The following ZNF84 variants were observed in gnomAD, a reference collection of about 807,000 sequenced individuals.
The protein encoded by ZNF84 is zinc finger protein 84.
A neutral mutation model predicts 14.8 loss-of-function variants in ZNF84; 12 were observed. The observed-to-expected ratio is 0.81, with a 90% CI of 0.52 to 1.31. The LOEUF (loss-of-function observed/expected upper bound fraction) is 1.31. ZNF84 is among the 50% of genes most tolerant of loss of function. The probability of loss-of-function intolerance (pLI) is 0.00; values close to 1 mark genes in which losing one functional copy is unlikely to be tolerated. For missense variants in ZNF84, 859 were observed against 878.6 expected, an observed-to-expected ratio of 0.98 and a Z score of 0.28; for synonymous variants, 347 against 291.1, an observed-to-expected ratio of 1.19 and a Z score of -1.96.
At chr12:133,046,367 T>G (rs1462798480) in intron 2 of ZNF84, among the ~76,000 whole-genome samples, 3 of 55,736 alleles carry the variant, frequency 5.4e-5, no homozygotes, top group Non-Finnish European at 1.1e-4. Context: ...TTTTTTTTTT[T>G]TTTTTTTTTT....
chr12:133,053,737 T>A (rs996261197), intron 4 of ZNF84, among the ~76,000 whole-genome samples: 2 of 152,042 alleles, frequency 1.3e-5, no homozygotes, highest in Non-Finnish European at 2.9e-5. Flanking sequence ...GGCAATACCC[T>A]GTCTCAAAAA....
intron 2 of ZNF84, 36 bp downstream of exon 2, chr12:133,041,518 G>T (rs1399738092): frequency 6.2e-6 from 10 of 1,606,874 alleles, no homozygotes; most frequent in Non-Finnish European, 7.7e-6. Flanking sequence ...TTTTCCCAGG[G>T]AATTAGAAGA....
chr12:133,057,466 A>G lies in ZNF84; in HGVS notation c.751A>G (p.Ile251Val). 1 of 1,614,182 alleles carries G rather than the reference A, an allele frequency of 6.2e-7. No homozygotes were observed. The change falls in exon 5 of 5, where the codon ATT (isoleucine) becomes GTT (valine). Residue 251 changes from isoleucine (I) to valine (V), a missense_variant. Physicochemically the swap from Ile to Val is conservative, Grantham distance 29. Coordinates refer to ENST00000539354, the MANE Select transcript of ZNF84 (RefSeq NM_001289971.2). ...AACCTTTCCCCAGAAGTCTCAGTTTATTACACATCACAGAACTCATACAGG... is the reference window on the plus strand; with the variant it reads ...AACCTTTCCCCAGAAGTCTCAGTTTGTTACACATCACAGAACTCATACAGG... The part of the protein sequence containing the change: ...GKTFPQKSQF[I>V]THHRTHTGEK...
At chr12:133,050,571 C>G (rs1287633058) in intron 4 of ZNF84, 17 of 398,522 alleles carry the variant, frequency 4.3e-5, no homozygotes, top group Non-Finnish European at 6.6e-5. Context: ...TTATTTCTTC[C>G]TATCTCCCAT....
At chr12:133,043,882 T>C (rs1416079264) in intron 2 of ZNF84, among the ~76,000 whole-genome samples, 1 of 151,838 alleles carries the variant, frequency 6.6e-6, no homozygotes, top group African/African-American at 2.4e-5. Context: ...GCCTCCTAAG[T>C]ACCTGGGATT....
At chr12:133,040,115 T>TA (rs1230820205) in intron 1 of ZNF84, among the ~76,000 whole-genome samples, 2 of 152,186 alleles carry the variant, frequency 1.3e-5, no homozygotes, top group East Asian at 3.8e-4. Flanking sequence ...GTGCTGGAAT[T>TA]ACAGGCGTAA....
At chr12:133,054,740 T>C (rs1172808775) in intron 4 of ZNF84, among the ~76,000 whole-genome samples, 1 of 151,844 alleles carries the variant, frequency 6.6e-6, no homozygotes, top group East Asian at 1.9e-4. Flanking sequence ...CAATTAAAAA[T>C]ACAATTTTTT....
At chr12:133,044,149 T>C (rs1368079721) in intron 2 of ZNF84, among the ~76,000 whole-genome samples, 1 of 151,848 alleles carries the variant, frequency 6.6e-6, no homozygotes, top group Admixed American at 6.6e-5. Context: ...ACTTTTTTTT[T>C]CTTTTTGTTT....
chr12:133,041,479 A>G lies in ZNF84; in HGVS notation c.12A>G (p.Leu4=). The G allele has an allele frequency of 1.2e-6, 2 of 1,614,152 alleles. 1 individual carries two copies. The highest frequency in any genetic ancestry group is 4.5e-5 in the East Asian group (2 of 44,886). The change falls in exon 2 of 5, where the codon TTA becomes TTG. Residue 4 remains leucine (L), a synonymous_variant. Transcript: ENST00000539354. MTM[L]QESFSFDDLS... is the part of the protein sequence containing the mutation. ...TACAGCAGCAGAAAATGACCATGTT[A>G]CAGGTGAGTTGATTGTTGAGTTCTT...
In ZNF84 at chr12:133,060,630, A is replaced by G. The variant is rs1224707894; in HGVS notation, c.*1698A>G. 6.6e-6 allele frequency: 1 copy of G among 152,246 alleles called. No homozygotes were observed. The highest frequency in any genetic ancestry group is 6.5e-5 in the Admixed American group (1 of 15,288). 9.4% of individuals were successfully genotyped at this position (152,246 alleles called of 1,614,324 possible). On this transcript the variant is annotated 3_prime_UTR_variant, in exon 5 of 5. Coordinates refer to ENST00000539354, the MANE Select transcript of ZNF84 (RefSeq NM_001289971.2). ...AATAGTAGTGTATGGATACCATTGT[A>G]ATGTTGAGAAACTGTAAGTCACATC... is the stretch of plus-strand genomic sequence containing the variant.
chr12:133,048,994 G>C (rs1306857663), intron 4 of ZNF84, 146 bp downstream of exon 4: 1 of 609,616 alleles, frequency 1.6e-6, no homozygotes, highest in East Asian at 2.8e-5. Context: ...TGATGGGTTG[G>C]CTGGTCAGTG....
In ZNF84 at chr12:133,058,317, G is replaced by A; in HGVS notation, c.1602G>A (p.Gln534=). 6.2e-7 allele frequency: 1 copy of A among 1,614,148 alleles called. No individual in the cohort carries two copies. The highest frequency in any genetic ancestry group is 8.5e-7 in the Non-Finnish European group (1 of 1,180,012). The change falls in exon 5 of 5, where the codon CAG becomes CAA. Residue 534 remains glutamine (Q), a synonymous_variant. Coordinates refer to ENST00000539354, the MANE Select transcript of ZNF84 (RefSeq NM_001289971.2). ...FCQKSHLISH[Q]RTHTGEKPYE... is the part of the protein sequence containing the mutation. ...AGAAGTCACATCTCATATCACATCA[G>A]AGGACACATACAGGGGAGAAACCCT...
Position 133,063,076 on chromosome 12 carries a change from C to T in ZNF84, c.*4144C>T, listed in dbSNP as rs1954291585. On this transcript the variant is annotated 3_prime_UTR_variant, in exon 5 of 5. Transcript: ENST00000539354. The stretch of plus-strand genomic sequence containing the variant: ...CACAAGCTATATTTAAATGTGGGTG[C>T]AGTGAGTGGCTGTTTTCTGCCACAT... 1.4e-6 allele frequency: 1 copy of T among 701,810 alleles called. No individual in the cohort carries two copies. Among genetic ancestry groups the T allele is most frequent in the South Asian group, 1.5e-5 (1 of 67,588 alleles). 43.5% of individuals were successfully genotyped at this position (701,810 alleles called of 1,614,324 possible).
In ZNF84 at chr12:133,059,388, CTATTTTG is replaced by C. The variant is rs1246714375; in HGVS notation, c.*464_*470del. The C allele has an allele frequency of 5.6e-6, 1 of 179,522 alleles. No individual in the cohort carries two copies. The highest frequency in any genetic ancestry group is 1.2e-5 in the Non-Finnish European group (1 of 86,822). The allele number at this position is 179,522 out of a possible 1,614,324, so 11.1% of individuals were successfully genotyped here. ...TGGGACAGTGCAACAAGTAACGAGA[CTATTTTG>C]TATTTTGGAGAATTCATATTATGGA... On this transcript the variant is annotated 3_prime_UTR_variant, in exon 5 of 5. Coordinates refer to ENST00000539354, the MANE Select transcript of ZNF84 (RefSeq NM_001289971.2).
Position 133,058,621 on chromosome 12 carries a change from T to TTCAGGGAGAAG in ZNF84, c.1910_1920dup (p.Ser641GlyfsTer99). On this transcript the variant is annotated frameshift_variant, in exon 5 of 5. Transcript: ENST00000539354. LOFTEE classifies it low-confidence loss of function (END_TRUNC). Reference sequence around the variant, plus strand: ...TGAATGCAATGAATGTAGAAAAGCCTTCAGGGAGAAGTCAAGTCTCATCAA... The same window carrying TTCAGGGAGAAG: ...TGAATGCAATGAATGTAGAAAAGCCTTCAGGGAGAAGTCAGGGAGAAGTCAAGTCTCATCAA... The TTCAGGGAGAAG allele has an allele frequency of 6.2e-7, 1 of 1,614,116 alleles. No individual in the cohort carries two copies. The highest frequency in any genetic ancestry group is 8.5e-7 in the Non-Finnish European group (1 of 1,180,002).
Position 133,056,968 on chromosome 12 carries a change from G to T in ZNF84, c.253G>T (p.Asp85Tyr). 6.3e-7 allele frequency: 1 copy of T among 1,577,884 alleles called. No homozygotes were observed. Among genetic ancestry groups the T allele is most frequent in the Non-Finnish European group, 8.6e-7 (1 of 1,167,772 alleles). Reference sequence around the variant, plus strand: ...TTCCTTTATAGAAGTCTGGAAAGTAGATGGTAACATGATGTGGCACCAGGA... The same window carrying T: ...TTCCTTTATAGAAGTCTGGAAAGTATATGGTAACATGATGTGGCACCAGGA... Reference protein sequence around the residue: ...SSDSPEVWKVDGNMMWHQDNQ... With the variant: ...SSDSPEVWKVYGNMMWHQDNQ... The change falls in exon 5 of 5, where the codon GAT becomes TAT. Residue 85 changes from aspartate to tyrosine, a missense_variant. Coordinates refer to ENST00000539354, the MANE Select transcript of ZNF84 (RefSeq NM_001289971.2).
intron 2 of ZNF84, among the ~76,000 whole-genome samples, chr12:133,046,877 TATTTA>T (rs1192814727): frequency 9.4e-6 from 1 of 106,922 alleles, no homozygotes; most frequent in African/African-American, 4.2e-5. Context: ...ATATTATATA[TATTTA>T]TATATTATTT....
At chr12:133,047,565 C>T (rs954857522) in intron 2 of ZNF84, 6 of 157,926 alleles carry the variant, frequency 3.8e-5, no homozygotes, top group Non-Finnish European at 8.4e-5. Flanking sequence ...TAACCAGGCC[C>T]GACCCTGCTT....
At position 133,058,003 on chromosome 12, in the gene ZNF84, C is replaced by T; in HGVS notation, c.1288C>T (p.Pro430Ser). The change falls in exon 5 of 5, where the codon CCT (proline) becomes TCT (serine). Residue 430 changes from proline (P) to serine (S), a missense_variant. Physicochemically the swap from Pro to Ser is moderately conservative, Grantham distance 74 (BLOSUM62 -1). Coordinates refer to ENST00000539354, the MANE Select transcript of ZNF84 (RefSeq NM_001289971.2). ...TCAGAGAACACATACAGGAGAGAAA[C>T]CTCATGGATGCATTCAGTGTGGGAA... ...NHQRTHTGEK[P>S]HGCIQCGKAF... is the part of the protein sequence containing the mutation. The T allele has an allele frequency of 6.2e-7, 1 of 1,613,830 alleles. No homozygotes were observed. The highest frequency in any genetic ancestry group is 1.1e-5 in the South Asian group (1 of 91,074).
Sources: gnomAD v4.1 joint callset for allele counts (sites outside exome capture counted in the v4.1 genomes callset) on GRCh38, gnomAD v4.1.1 for gene constraint, MANE v1.5 for transcripts, NCBI Gene and HGNC (gene_info 2026-07-23, HGNC 2026-07-21) for gene names.